The following MGA variants were observed in gnomAD, a reference collection of about 807,000 sequenced individuals.
MGA encodes MAX dimerization protein MGA.
Under a neutral mutation model 261.1 loss-of-function variants are expected in MGA, and 40 were observed. The ratio of observed to expected loss-of-function variants is 0.15; its 90% CI spans 0.12 to 0.20. The LOEUF (loss-of-function observed/expected upper bound fraction) is 0.20, where lower values mean the gene tolerates loss of function less well. MGA is among the 10% of genes least tolerant of loss of function. The probability of loss-of-function intolerance (pLI) is 1.00; values close to 1 mark genes in which losing one functional copy is unlikely to be tolerated. For synonymous variants in MGA, 1,302 were observed against 1,290.6 expected (o/e 1.01, Z -0.19); for missense variants, 3,397 against 3,630.5 (o/e 0.94, Z 1.65).
At chr15:41,718,708 G>A (rs2060785240) in intron 9 of MGA, 1 of 210,574 alleles carries the variant, frequency 4.7e-6, no homozygotes. Flanking sequence ...TTGAAAGATT[G>A]ACAAAATTCA....
At chr15:41,647,418 ATTCT>A (rs1241826672) in intron 1 of MGA, among the ~76,000 whole-genome samples, 1 of 152,142 alleles carries the variant, frequency 6.6e-6, no homozygotes, top group Non-Finnish European at 1.5e-5. Flanking sequence ...ATATGTGAAT[ATTCT>A]GTTGTACTAC....
intron 1 of MGA, among the ~76,000 whole-genome samples, chr15:41,628,250 G>A (rs1221540981): frequency 6.6e-6 from 1 of 151,566 alleles, no homozygotes; most frequent in Non-Finnish European, 1.5e-5. Context: ...GTGCACGCCT[G>A]TAGTCCTAGC....
At chr15:41,709,632 T>C (rs1031804457) in intron 7 of MGA, among the ~76,000 whole-genome samples, 1 of 151,780 alleles carries the variant, frequency 6.6e-6, no homozygotes, top group Non-Finnish European at 1.5e-5. Context: ...AGCTGGGGTT[T>C]GTGATGTTGC....
At position 41,769,468 on chromosome 15, in the gene MGA, G is replaced by T. The variant is rs960090558; in HGVS notation, c.*2188G>T. The T allele has an allele frequency of 9.9e-5, 15 of 152,104 alleles. No homozygotes were observed. Among genetic ancestry groups the T allele is most frequent in the African/African-American group, 3.6e-4 (15 of 41,392 alleles). 9.4% of individuals were successfully genotyped at this position (152,104 alleles called of 1,614,324 possible). On this transcript the variant is annotated 3_prime_UTR_variant, in exon 24 of 24. Coordinates refer to ENST00000219905, the MANE Select transcript of MGA (RefSeq NM_001164273.2). ...ACCATTCTAACCCCCAAGATACTGT[G>T]TTCTCAAGACCTCTTAGAACTAGGT...
intron 8 of MGA, among the ~76,000 whole-genome samples, chr15:41,712,063 C>T (rs997481688): frequency 1.3e-5 from 2 of 151,916 alleles, no homozygotes; most frequent in Non-Finnish European, 1.5e-5. Context: ...GGAGAGAAAC[C>T]TTTATCTTTT....
chr15:41,730,531 C>T (rs912125010), intron 11 of MGA, among the ~76,000 whole-genome samples: 3 of 152,066 alleles, frequency 2.0e-5, no homozygotes, highest in African/African-American at 7.2e-5. Flanking sequence ...CCTGTACCAA[C>T]AAAATCCTGT....
chr15:41,628,158 G>A (rs1244873498), intron 1 of MGA, among the ~76,000 whole-genome samples: 1 of 151,996 alleles, frequency 6.6e-6, no homozygotes, highest in Admixed American at 6.6e-5. Flanking sequence ...ATCACCTGAG[G>A]TCAGGAGTTT....
At position 41,768,186 on chromosome 15, in the gene MGA, T is replaced by C. The variant is rs1193757137; in HGVS notation, c.*906T>C. 1.3e-5 allele frequency: 2 copies of C among 152,638 alleles called. No individual in the cohort carries two copies. Among genetic ancestry groups the C allele is most frequent in the Non-Finnish European group, 2.9e-5 (2 of 68,032 alleles). 9.5% of individuals were successfully genotyped at this position (152,638 alleles called of 1,614,324 possible). A position where few individuals can be genotyped will look rare whatever the true frequency, so the allele number is the denominator to read the frequency against. On this transcript the variant is annotated 3_prime_UTR_variant, in exon 24 of 24. Coordinates refer to ENST00000219905, the MANE Select transcript of MGA (RefSeq NM_001164273.2). The stretch of plus-strand genomic sequence containing the variant: ...GGAAATTTCCCAAATCAAACCAGCC[T>C]CCTGGTGCTTGAAGGTTTCATTCAC...
intron 5 of MGA, among the ~76,000 whole-genome samples, chr15:41,706,192 A>G (rs1440683748): frequency 7.3e-5 from 11 of 151,478 alleles, no homozygotes; most frequent in Non-Finnish European, 1.3e-4. Flanking sequence ...AGCCGAGATT[A>G]CACCATTGCA....
At chr15:41,635,048 A>G (rs1396038535) in intron 1 of MGA, among the ~76,000 whole-genome samples, 1 of 152,100 alleles carries the variant, frequency 6.6e-6, no homozygotes, top group Non-Finnish European at 1.5e-5. Flanking sequence ...TAAGAGTGGA[A>G]ATTGGCTGGG....
chr15:41,663,826 T>C (rs1203954864), intron 1 of MGA, among the ~76,000 whole-genome samples: 1 of 152,122 alleles, frequency 6.6e-6, no homozygotes, highest in Non-Finnish European at 1.5e-5. Context: ...AAGTAGACTT[T>C]AGAGTGGTCT....
chr15:41,631,903 G>A (rs1356379486), intron 1 of MGA, among the ~76,000 whole-genome samples: 2 of 151,552 alleles, frequency 1.3e-5, no homozygotes, highest in Non-Finnish European at 2.9e-5. Flanking sequence ...TTTTTAAATG[G>A]CAAGTGTTGT....
Position 41,750,001 on chromosome 15 carries a change from G to T in MGA, c.6394G>T (p.Val2132Phe), listed in dbSNP as rs531509643. 9 of 1,612,614 alleles carry T rather than the reference G, an allele frequency of 5.6e-6. No individual in the cohort carries two copies. Among genetic ancestry groups the T allele is most frequent in the Middle Eastern group, 1.7e-4 (1 of 6,056 alleles). ...AGAAGAAAACTCAAGTGAATTTCCA[G>T]TCACCTTTAAGGAAGAAAGTAAATT... Residue 2132 changes from valine to phenylalanine, a missense_variant, in exon 17 of 24, where the codon GTC becomes TTC. By Grantham distance (50) the Val-to-Phe change is conservative. Around this residue, in one of 9 missense-constraint regions of MGA, gnomAD observed 1,410 missense variants for 1,386.4 expected, o/e 1.02. Coordinates refer to ENST00000219905, the MANE Select transcript of MGA (RefSeq NM_001164273.2).
chr15:41,652,454 C>A (rs1462416993), intron 1 of MGA, among the ~76,000 whole-genome samples: 1 of 151,538 alleles, frequency 6.6e-6, no homozygotes, highest in Non-Finnish European at 1.5e-5. Flanking sequence ...AAGCGTCAAA[C>A]TTCTGGGCTC....
intron 1 of MGA, among the ~76,000 whole-genome samples, chr15:41,648,457 T>TA (rs764796434): frequency 1.1e-4 from 17 of 152,356 alleles, no homozygotes; most frequent in Non-Finnish European, 2.2e-4. Context: ...TAATCATAAG[T>TA]AAATATACAT....
At chr15:41,674,573 G>A (rs12901742) in intron 2 of MGA, among the ~76,000 whole-genome samples, 22,141 of 151,610 alleles carry the variant, frequency 0.15, 2,560 homozygotes, top group East Asian at 0.68. Flanking sequence ...AGGCTGAAAC[G>A]TAGTGGCGTG....
chr15:41,658,650 G>C (rs1335479780), upstream of MGA, among the ~76,000 whole-genome samples: 1 of 106,218 alleles, frequency 9.4e-6, no homozygotes, highest in Non-Finnish European at 2.1e-5. Context: ...AAAAACTATG[G>C]ATAGTTTTCC....
At chr15:41,697,466 G>A (rs1322649458) in intron 3 of MGA, among the ~76,000 whole-genome samples, 2 of 148,864 alleles carry the variant, frequency 1.3e-5, no homozygotes, top group Non-Finnish European at 3.0e-5. Flanking sequence ...GCCCAGGCTG[G>A]AGTTCAGTGG....
intron 9 of MGA, among the ~76,000 whole-genome samples, chr15:41,722,250 C>G (rs2060986396): frequency 6.6e-6 from 1 of 151,776 alleles, no homozygotes; most frequent in Admixed American, 6.6e-5. Flanking sequence ...CTGCCTCAGC[C>G]TCCCGAGTAG....
Sources: allele counts gnomAD v4.1 joint callset (sites outside exome capture counted in the v4.1 genomes callset), GRCh38; gene constraint gnomAD v4.1.1; regional missense constraint gnomAD v4.1.1; transcripts MANE v1.5; gene names NCBI Gene and HGNC (gene_info 2026-07-23, HGNC 2026-07-21).